VAV1: variants seen among roughly 807,000 people sequenced by gnomAD.
VAV1 encodes vav guanine nucleotide exchange factor 1, also known as proto-oncogene vav.
Under a neutral mutation model 128.1 loss-of-function variants are expected in VAV1, and 33 were observed. That is an observed-to-expected ratio of 0.26 (90% CI 0.20 to 0.34). The LOEUF (loss-of-function observed/expected upper bound fraction) is 0.34. Ranked by LOEUF, VAV1 falls within the 10% of genes least tolerant of loss-of-function variation. The pLI is 1.00. For synonymous variants in VAV1, 394 were observed against 409.8 expected (o/e 0.96, Z 0.47); for missense variants, 715 against 1,093.7 (o/e 0.65, Z 4.88).
chr19:6,793,290 C>T (rs148633264), intron 1 of VAV1, among the ~76,000 whole-genome samples: 3,878 of 151,766 alleles, frequency 0.026, 166 homozygotes, highest in African/African-American at 0.088. Flanking sequence ...GCCGAGATCG[C>T]GCCACTGCAC....
intron 1 of VAV1, among the ~76,000 whole-genome samples, chr19:6,794,258 AAG>A (rs1971078783): frequency 1.3e-5 from 2 of 152,148 alleles, no homozygotes; most frequent in South Asian, 4.1e-4. Flanking sequence ...TGGGACAAAG[AAG>A]AGAGAGGGAA....
chr19:6,814,663 CCTTCCTTCCTTTCTTTCTTTCTTTCTTT>C (rs1444789751), intron 1 of VAV1, among the ~76,000 whole-genome samples: 11 of 26,530 alleles, frequency 4.1e-4, no homozygotes, highest in African/African-American at 2.8e-3. Context: ...TTCCTTCCTT[CCTTCCTTCCTTTCTTTCTTTCTTTCTTT>C]CTTTCTTTCT....
At position 6,828,790 on chromosome 19, in the gene VAV1, G is replaced by C. The variant is rs1229667939; in HGVS notation, c.1180-25G>C. The C allele has an allele frequency of 2.5e-6, 4 of 1,614,140 alleles. No homozygotes were observed. Among genetic ancestry groups the C allele is most frequent in the Admixed American group, 3.3e-5 (2 of 60,020 alleles). ...CTGGCTCCTTTCTTGGGAGACCCTT[G>C]CTAGACCCCCTGCCTACTGCATAGG... is the stretch of plus-strand genomic sequence containing the variant. On this transcript the variant is annotated intron_variant, in intron 12 of 26. Coordinates refer to ENST00000602142, the MANE Select transcript of VAV1 (RefSeq NM_005428.4). This position sits in a 1 kb window ranked among gnomAD's most constrained non-coding sequence, Gnocchi z 4.5.
chr19:6,851,280 C>G (rs953645325), intron 24 of VAV1, among the ~76,000 whole-genome samples: 2 of 151,930 alleles, frequency 1.3e-5, no homozygotes, highest in African/African-American at 4.8e-5. Context: ...TTTAAATAAT[C>G]TCTCGCCTCA....
chr19:6,786,294 G>A (rs191624378), intron 1 of VAV1, among the ~76,000 whole-genome samples: 2 of 151,948 alleles, frequency 1.3e-5, no homozygotes. Flanking sequence ...ATAACTCATG[G>A]GCCCAAGCTG....
In VAV1 at chr19:6,785,300, G is replaced by C. The variant is rs375644652; in HGVS notation, c.204+12289G>C. On this transcript the variant is annotated intron_variant, in intron 1 of 26. Coordinates refer to ENST00000602142, the MANE Select transcript of VAV1 (RefSeq NM_005428.4). Reference sequence around the variant, plus strand: ...GATCCTCTCGCCTCTGCCTCCCAAAGTGCTCGGATACAGACATGAGCCACT... The same window carrying C: ...GATCCTCTCGCCTCTGCCTCCCAAACTGCTCGGATACAGACATGAGCCACT... 4.6e-5 allele frequency among the ~76,000 whole-genome samples: 7 copies of C among 151,980 alleles called. No homozygotes were observed. In the East Asian group the frequency reaches 1.4e-3, roughly 29 times the overall value.
chr19:6,837,783 T>C (rs1298107726), intron 21 of VAV1, among the ~76,000 whole-genome samples: 2 of 152,114 alleles, frequency 1.3e-5, no homozygotes, highest in Non-Finnish European at 2.9e-5. Context: ...GAGTTAAAAG[T>C]GAGTTTGCAG....
At chr19:6,803,919 A>T (rs1186553719) in intron 1 of VAV1, among the ~76,000 whole-genome samples, 1 of 152,172 alleles carries the variant, frequency 6.6e-6, no homozygotes, top group African/African-American at 2.4e-5. Flanking sequence ...CTCTCAAGCC[A>T]TGAAGAGACA....
intron 22 of VAV1, among the ~76,000 whole-genome samples, chr19:6,847,327 GC>G (rs771143892): frequency 6.6e-6 from 1 of 151,964 alleles, no homozygotes. Context: ...GCCTCCCGCA[GC>G]CCCCGGGAAC....
rs575705390 is a variant in VAV1, at chr19:6,826,005, T to A, written c.827+599T>A. On this transcript the variant is annotated intron_variant, in intron 8 of 26. Coordinates refer to ENST00000602142, the MANE Select transcript of VAV1 (RefSeq NM_005428.4). The surrounding 1 kb of genome is among the most constrained non-coding windows in gnomAD (Gnocchi z 4.1). ...TTGCAGTGAGTCAAGATCATGCCACTGGACTCCAGCCTAGGCAACAGAGCA... is the reference window on the plus strand; with the variant it reads ...TTGCAGTGAGTCAAGATCATGCCACAGGACTCCAGCCTAGGCAACAGAGCA... Among the ~76,000 whole-genome samples the A allele has an allele frequency of 1.1e-4, 17 of 151,774 alleles. No individual in the cohort carries two copies. The highest frequency in any genetic ancestry group is 4.1e-4 in the African/African-American group (17 of 41,364).
intron 19 of VAV1, chr19:6,835,828 T>G (rs1220747284): frequency 2.0e-5 from 3 of 152,210 alleles, no homozygotes; most frequent in African/African-American, 7.3e-5. Flanking sequence ...ATATTGTGTA[T>G]AAAGCTGCAA....
intron 1 of VAV1, among the ~76,000 whole-genome samples, chr19:6,797,211 GAC>G (rs1309503187): frequency 7.2e-6 from 1 of 139,466 alleles, no homozygotes; most frequent in Non-Finnish European, 1.5e-5. Flanking sequence ...CAGACTGGGT[GAC>G]AGAGTGAGAC....
At position 6,854,000 on chromosome 19, in the gene VAV1, C is replaced by A; in HGVS notation, c.2386C>A (p.Arg796=). 3 of 1,613,786 alleles carry A rather than the reference C, an allele frequency of 1.9e-6. No homozygotes were observed. Among genetic ancestry groups the A allele is most frequent in the Non-Finnish European group, 2.5e-6 (3 of 1,180,034 alleles). Residue 796 remains arginine (R), a synonymous_variant, in exon 26 of 27, where the codon CGA becomes AGA. Transcript: ENST00000602142. The part of the protein sequence containing the change: ...TAKARYDFCA[R]DRSELSLKEG... ...CAAAGCCCGCTATGACTTCTGCGCC[C>A]GAGACCGATCAGAGCTGTCGCTCAA...
At chr19:6,829,957 A>G (rs756584664) in intron 14 of VAV1, 39 bp downstream of exon 14, 1 of 1,613,152 alleles carries the variant, frequency 6.2e-7, no homozygotes, top group Non-Finnish European at 8.5e-7. Flanking sequence ...TCCTCCACGC[A>G]GTCGGCAGCT....
Position 6,829,917 on chromosome 19 carries a change from A to G in VAV1, c.1397A>G (p.Lys466Arg). The G allele has an allele frequency of 6.2e-7, 1 of 1,614,116 alleles. No homozygotes were observed. Among genetic ancestry groups the G allele is most frequent in the Non-Finnish European group, 8.5e-7 (1 of 1,180,010 alleles). The change falls in exon 14 of 27, where the codon AAG becomes AGG. Residue 466 changes from lysine (K) to arginine (R), a missense_variant and splice_region_variant. Coordinates refer to ENST00000602142, the MANE Select transcript of VAV1 (RefSeq NM_005428.4). Reference protein sequence around the residue: ...DDSSGDRDNKKWSHMFLLIED... With the variant: ...DDSSGDRDNKRWSHMFLLIED... The stretch of plus-strand genomic sequence containing the variant: ...TCTTCAGGAGACCGAGACAACAAGA[A>G]GGTGGGGCTTTGACGCCGGAACTAT...
chr19:6,834,187 C>T (rs982272818), intron 19 of VAV1, among the ~76,000 whole-genome samples: 3 of 151,384 alleles, frequency 2.0e-5, no homozygotes, highest in South Asian at 4.2e-4. Flanking sequence ...GGTCTTGCTA[C>T]GTTGCCCAGC....
chr19:6,787,783 A>C (rs1970926812), intron 1 of VAV1, among the ~76,000 whole-genome samples: 1 of 151,948 alleles, frequency 6.6e-6, no homozygotes, highest in Non-Finnish European at 1.5e-5. Flanking sequence ...TGTTTTAAAA[A>C]CATTAAAACA....
intron 1 of VAV1, among the ~76,000 whole-genome samples, chr19:6,813,430 G>A (rs936256929): frequency 6.6e-6 from 1 of 152,202 alleles, no homozygotes; most frequent in African/African-American, 2.4e-5. Context: ...CACATGGCCA[G>A]TCTTGGTTCA....
chr19:6,832,220 C>T lies in VAV1; in HGVS notation c.1508+20C>T. 4 of 1,611,582 alleles carry T rather than the reference C, an allele frequency of 2.5e-6. No individual in the cohort carries two copies. Among genetic ancestry groups the T allele is most frequent in the Non-Finnish European group, 2.5e-6 (3 of 1,177,882 alleles). ...GGCCATGTGAGTCCCCGTCTTCCTC[C>T]CTCTTTCTGTCCACAGAGGGGCAGG... On this transcript the variant is annotated intron_variant, in intron 15 of 26. Transcript: ENST00000602142.
Sources: allele counts gnomAD v4.1 joint callset (sites outside exome capture counted in the v4.1 genomes callset), GRCh38; gene constraint gnomAD v4.1.1; non-coding constraint Gnocchi (gnomAD v3.1); transcripts MANE v1.5; gene names NCBI Gene and HGNC (gene_info 2026-07-23, HGNC 2026-07-21).